ZSCAN5A: variants seen among roughly 807,000 people sequenced by gnomAD.
ZSCAN5A encodes zinc finger and SCAN domain-containing protein 5A.
In ZSCAN5A, 12 loss-of-function variants were observed where a neutral mutation model predicts 23.7. That is an observed-to-expected ratio of 0.51 (90% confidence interval 0.32 to 0.82). The LOEUF is 0.82. Among genes scored for constraint, ZSCAN5A ranks in the 40% least tolerant of loss-of-function variants. The probability of loss-of-function intolerance (pLI) is 0.03; values close to 1 mark genes in which losing one functional copy is unlikely to be tolerated. For missense variants in ZSCAN5A, 597 were observed against 617.9 expected (o/e 0.97, Z 0.36); for synonymous variants, 257 against 239.9 (o/e 1.07, Z -0.66).
chr19:56,239,724 A>G (rs2035259686), intron 2 of ZSCAN5A, among the ~76,000 whole-genome samples: 1 of 152,250 alleles, frequency 6.6e-6, no homozygotes, highest in African/African-American at 2.4e-5. Context: ...TGTATTTTTC[A>G]ATATACTGAC....
intron 2 of ZSCAN5A, among the ~76,000 whole-genome samples, chr19:56,306,382 G>A (rs113885172): frequency 1.6e-4 from 16 of 98,946 alleles, no homozygotes; most frequent in East Asian, 6.6e-4. Context: ...CCTCTCCCAC[G>A]TCGCCAGAGA....
chr19:56,229,290 GA>G (rs2034255102), intron 2 of ZSCAN5A, among the ~76,000 whole-genome samples: 1 of 152,158 alleles, frequency 6.6e-6, no homozygotes, highest in African/African-American at 2.4e-5. Flanking sequence ...TAAATCCTTG[GA>G]AAATCTTAAG....
intron 2 of ZSCAN5A, among the ~76,000 whole-genome samples, chr19:56,309,686 G>A (rs1040644284): frequency 1.3e-5 from 2 of 152,170 alleles, no homozygotes; most frequent in African/African-American, 2.4e-5. Context: ...ACCAGGCTAG[G>A]GGGTGCAGCC....
At chr19:56,296,732 G>A (rs1343923271) in intron 2 of ZSCAN5A, among the ~76,000 whole-genome samples, 1 of 151,982 alleles carries the variant, frequency 6.6e-6, no homozygotes, top group Non-Finnish European at 1.5e-5. Context: ...GAAACGCAGT[G>A]CGGGAAACTT....
At chr19:56,343,225 T>C in intron 2 of ZSCAN5A, 1 of 793,938 alleles carries the variant, frequency 1.3e-6, no homozygotes, top group South Asian at 1.4e-5. Context: ...AAGCAACTTC[T>C]TTCTGGTGAT....
intron 2 of ZSCAN5A, among the ~76,000 whole-genome samples, chr19:56,353,251 G>A (rs1157248066): frequency 3.9e-5 from 6 of 152,258 alleles, no homozygotes; most frequent in South Asian, 2.1e-4. Flanking sequence ...CGAGTGTAAC[G>A]GATACTACAG....
intron 2 of ZSCAN5A, among the ~76,000 whole-genome samples, chr19:56,281,351 G>A (rs900031186): frequency 1.0e-4 from 3 of 28,832 alleles, no homozygotes; most frequent in African/African-American, 2.9e-4. Context: ...AAGGGTCAAC[G>A]GTGTGTGTAT....
chr19:56,360,706 T>TA lies in ZSCAN5A; in HGVS notation c.-358+2528dup, dbSNP rs973371031. On this transcript the variant is annotated intron_variant, in intron 2 of 6. Transcript: ENST00000587340. Reference sequence around the variant, plus strand: ...TCTAGATGGATTAAAGACTTATATGTAAAAAAAAAATAAAAACTATAGAAA... The same window carrying TA: ...TCTAGATGGATTAAAGACTTATATGTAAAAAAAAAAATAAAAACTATAGAAA... 1.8e-3 allele frequency among the ~76,000 whole-genome samples: 272 copies of TA among 148,886 alleles called. 1 individual carries two copies. In the Middle Eastern group the frequency reaches 0.028, roughly 15 times the overall value.
upstream of ZSCAN5A, among the ~76,000 whole-genome samples, chr19:56,318,851 T>C (rs1480300489): frequency 6.6e-6 from 1 of 152,170 alleles, no homozygotes; most frequent in African/African-American, 2.4e-5. Flanking sequence ...AAAGCAGGAA[T>C]ATTGCAAACA....
At chr19:56,320,820 C>T (rs778818767) in intron 2 of ZSCAN5A, 1 of 785,774 alleles carries the variant, frequency 1.3e-6, no homozygotes, top group Non-Finnish European at 2.4e-6. Context: ...CCATAGGTGG[C>T]AGCAAGATGC....
Position 56,221,520 on chromosome 19 carries a change from T to C in ZSCAN5A, c.*55A>G, listed in dbSNP as rs142383251. On this transcript the variant is annotated 3_prime_UTR_variant, in exon 6 of 6. Transcript: ENST00000683990. ...GTCAAATGTCATCTGATAACATTGATGAAAAATATCATTCACTTCTTCTTG... is the reference window on the plus strand; with the variant it reads ...GTCAAATGTCATCTGATAACATTGACGAAAAATATCATTCACTTCTTCTTG... 1,909 of 1,524,378 alleles carry C rather than the reference T, an allele frequency of 1.3e-3. 24 individuals carry two copies. The African/African-American group carries it at 0.023, about 18-fold the overall frequency. The allele number at this position is 1,524,378 out of a possible 1,614,324, so 94.4% of individuals were successfully genotyped here.
At chr19:56,285,273 G>C (rs903577496) in intron 2 of ZSCAN5A, among the ~76,000 whole-genome samples, 1 of 152,154 alleles carries the variant, frequency 6.6e-6, no homozygotes, top group Non-Finnish European at 1.5e-5. Flanking sequence ...TATGCACATG[G>C]GAAAATATCG....
At chr19:56,240,212 A>C (rs113037340) in intron 2 of ZSCAN5A, among the ~76,000 whole-genome samples, 1 of 151,952 alleles carries the variant, frequency 6.6e-6, no homozygotes, top group Non-Finnish European at 1.5e-5. Context: ...ACAAAAAAAA[A>C]CTTGTGGATC....
intron 2 of ZSCAN5A, among the ~76,000 whole-genome samples, chr19:56,272,276 C>T (rs1014056968): frequency 1.3e-5 from 2 of 152,140 alleles, no homozygotes; most frequent in Non-Finnish European, 2.9e-5. Flanking sequence ...GACAGGGGTC[C>T]ACAAACGTTT....
rs374770364 is a variant in ZSCAN5A at position 56,350,046 on chromosome 19, G to C, written c.-358+13189C>G. Among the ~76,000 whole-genome samples the C allele has an allele frequency of 2.3e-4, 35 of 152,278 alleles. No homozygotes were observed. In the East Asian group the frequency reaches 2.3e-3, roughly 10 times the overall value. ...TCTAGTCAAGCTACTATTTGCAATAGAACTAAACGCTGTGGCACTCACAAT... is the reference window on the plus strand; with the variant it reads ...TCTAGTCAAGCTACTATTTGCAATACAACTAAACGCTGTGGCACTCACAAT... On this transcript the variant is annotated intron_variant, in intron 2 of 6. Coordinates refer to the ZSCAN5A transcript ENST00000587340.
intron 2 of ZSCAN5A, among the ~76,000 whole-genome samples, chr19:56,289,432 C>A (rs1351175712): frequency 6.6e-6 from 1 of 152,144 alleles, no homozygotes; most frequent in African/African-American, 2.4e-5. Context: ...GTGGAGCAGT[C>A]TCTTCGGAAG....
chr19:56,347,476 A>T (rs1205026246), intron 2 of ZSCAN5A: 1 of 152,188 alleles, frequency 6.6e-6, no homozygotes, highest in Non-Finnish European at 1.5e-5. Flanking sequence ...GCACAAGTTA[A>T]GTCCTTGAGG....
At chr19:56,322,870 T>A (rs1433276045) in intron 2 of ZSCAN5A, among the ~76,000 whole-genome samples, 1 of 151,746 alleles carries the variant, frequency 6.6e-6, no homozygotes, top group African/African-American at 2.4e-5. Flanking sequence ...GGTTTTTAAA[T>A]TAGTATTATT....
chr19:56,360,526 A>G (rs2041727667), intron 2 of ZSCAN5A, among the ~76,000 whole-genome samples: 1 of 152,188 alleles, frequency 6.6e-6, no homozygotes, highest in African/African-American at 2.4e-5. Context: ...CTTTAATGCT[A>G]TTCCCACTAA....
Sources: allele counts gnomAD v4.1 joint callset (sites outside exome capture counted in the v4.1 genomes callset), GRCh38; gene constraint gnomAD v4.1.1; transcripts MANE v1.5; gene names NCBI Gene and HGNC (gene_info 2026-07-23, HGNC 2026-07-21).